PTPN21: variants seen among roughly 807,000 people sequenced by gnomAD.
PTPN21 encodes protein tyrosine phosphatase non-receptor type 21, also known as tyrosine-protein phosphatase non-receptor type 21.
A neutral mutation model predicts 131.8 loss-of-function variants in PTPN21; 77 were observed. That is an observed-to-expected ratio of 0.58 (90% CI 0.49 to 0.71). PTPN21 has a LOEUF of 0.71. Ranked by LOEUF, PTPN21 falls within the 30% of genes least tolerant of loss-of-function variation. PTPN21 has a pLI of 0.00. For synonymous variants in PTPN21, 715 were observed against 621.3 expected, an observed-to-expected ratio of 1.15 and a Z score of -2.24; for missense variants, 1,552 against 1,527.1, an observed-to-expected ratio of 1.02 and a Z score of -0.27.
intron 10 of PTPN21, among the ~76,000 whole-genome samples, 190 bp from the exon 11 acceptor site, chr14:88,486,032 C>A (rs1057431819): frequency 1.6e-4 from 24 of 152,116 alleles, no homozygotes; most frequent in African/African-American, 5.6e-4. Context: ...TTTCCTGCTG[C>A]CCCAACCCGT....
chr14:88,526,550 A>C (rs1416466023), intron 2 of PTPN21, among the ~76,000 whole-genome samples: 6 of 25,736 alleles, frequency 2.3e-4, no homozygotes, highest in Non-Finnish European at 1.1e-3. Context: ...ATGATCTCAA[A>C]AAAAAAAAAA....
chr14:88,509,337 T>TCC (rs1566833195), intron 3 of PTPN21, among the ~76,000 whole-genome samples: 1 of 152,196 alleles, frequency 6.6e-6, no homozygotes, highest in Non-Finnish European at 1.5e-5. Flanking sequence ...ATCTGGTGCC[T>TCC]GTGAAGTGCA....
intron 2 of PTPN21, among the ~76,000 whole-genome samples, chr14:88,529,843 A>G (rs1209861842): frequency 6.6e-6 from 1 of 152,034 alleles, no homozygotes; most frequent in African/African-American, 2.4e-5. Flanking sequence ...TCAGCCGGGC[A>G]TGGTGGCAGG....
rs1176695754 is a variant in PTPN21 at position 88,467,494 on chromosome 14, A to G, written c.*643T>C. 6.6e-6 allele frequency: 1 copy of G among 152,274 alleles called. No individual in the cohort carries two copies. The highest frequency in any genetic ancestry group is 1.5e-5 in the Non-Finnish European group (1 of 68,060). 9.4% of individuals were successfully genotyped at this position (152,274 alleles called of 1,614,324 possible). ...TTTGAAAAACAGAAGGTACAACTATATAGAATTTTTAGGATAAAAAATGTT... is the reference window on the plus strand; with the variant it reads ...TTTGAAAAACAGAAGGTACAACTATGTAGAATTTTTAGGATAAAAAATGTT... On this transcript the variant is annotated 3_prime_UTR_variant, in exon 19 of 19. Coordinates refer to ENST00000556564, the MANE Select transcript of PTPN21 (RefSeq NM_007039.4).
intron 2 of PTPN21, among the ~76,000 whole-genome samples, chr14:88,536,024 AC>A (rs1440597735): frequency 6.6e-6 from 1 of 151,886 alleles, no homozygotes; most frequent in Non-Finnish European, 1.5e-5. Flanking sequence ...CTGATAAGAA[AC>A]TTTACCTCCA....
chr14:88,488,127 A>G (rs942785253), intron 10 of PTPN21, among the ~76,000 whole-genome samples: 1 of 152,240 alleles, frequency 6.6e-6, no homozygotes, highest in Non-Finnish European at 1.5e-5. Context: ...CTCACTGTCT[A>G]GATGGACTGA....
At chr14:88,501,448 G>C (rs1410914994) in intron 6 of PTPN21, 80 bp from the exon 7 acceptor site, 8 of 1,174,464 alleles carry the variant, frequency 6.8e-6, no homozygotes, top group Non-Finnish European at 1.0e-5. Context: ...AAACCTATAT[G>C]TCAATTTAGC....
At chr14:88,516,323 G>A (rs2078268889) in intron 3 of PTPN21, among the ~76,000 whole-genome samples, 1 of 151,854 alleles carries the variant, frequency 6.6e-6, no homozygotes, top group African/African-American at 2.4e-5. Context: ...GAAAGATCTA[G>A]GACACAAAGA....
At chr14:88,470,809 G>T (rs905386019) in intron 15 of PTPN21, among the ~76,000 whole-genome samples, 4 of 152,218 alleles carry the variant, frequency 2.6e-5, no homozygotes, top group African/African-American at 2.4e-5. Flanking sequence ...CTAGGGAGGA[G>T]GAGGGGACTA....
At chr14:88,514,081 A>G (rs1028121759) in intron 3 of PTPN21, 1 of 152,206 alleles carries the variant, frequency 6.6e-6, no homozygotes, top group Non-Finnish European at 1.5e-5. Flanking sequence ...AATTTGTTAT[A>G]TAGTTTTTGG....
Position 88,478,959 on chromosome 14 carries a change from A to G in PTPN21, c.2472T>C (p.Ser824=), listed in dbSNP as rs1237379332. The change falls in exon 13 of 19, where the codon TCT becomes TCC. Residue 824 remains serine, a synonymous_variant. Coordinates refer to ENST00000556564, the MANE Select transcript of PTPN21 (RefSeq NM_007039.4). ...LKKRPVSDLL[S]GKKNIVEGLP... is the part of the protein sequence containing the mutation. ...GCCCTTCCACGATGTTCTTCTTCCC[A>G]GAGAGAAGGTCCGACACCGGCCTTT... 5.2e-6 allele frequency: 8 copies of G among 1,529,198 alleles called. No individual in the cohort carries two copies. Among genetic ancestry groups the G allele is most frequent in the African/African-American group, 1.4e-5 (1 of 71,508 alleles). The allele number at this position is 1,529,198 out of a possible 1,614,324, so 94.7% of individuals were successfully genotyped here. A position where few individuals can be genotyped will look rare whatever the true frequency, so the allele number is the denominator to read the frequency against.
chr14:88,479,110 C>A lies in PTPN21; in HGVS notation c.2321G>T (p.Ser774Ile). ...VPDAEKRMMD[S>I]SPVRTTAEAQ... ...CTCTGCGGTCGTGCGGACGGGGCTG[C>A]TGTCCATCATCCTCTTCTCCGCGTC... is the stretch of plus-strand genomic sequence containing the variant. Residue 774 changes from serine to isoleucine, a missense_variant, in exon 13 of 19, where the codon AGC becomes ATC. By Grantham distance (142) the Ser-to-Ile change is moderately radical. Coordinates refer to ENST00000556564, the MANE Select transcript of PTPN21 (RefSeq NM_007039.4). 6.4e-7 allele frequency: 1 copy of A among 1,569,228 alleles called. No homozygotes were observed.
chr14:88,489,507 G>A (rs1464305894), intron 10 of PTPN21, among the ~76,000 whole-genome samples: 2 of 152,024 alleles, frequency 1.3e-5, no homozygotes, highest in Non-Finnish European at 2.9e-5. Flanking sequence ...GCCAGGCATG[G>A]TGGCACACGC....
chr14:88,472,307 C>A lies in PTPN21; in HGVS notation c.2808G>T (p.Val936=), dbSNP rs756212704. The change falls in exon 15 of 19, where the codon GTG becomes GTT. Residue 936 remains valine, a synonymous_variant. Transcript: ENST00000556564. ...CTTTAGTTGGGACCAACTCCACTCT[C>A]ACATCATCATAAGGAAGAACATCTT... ...RFQDVLPYDD[V]RVELVPTKEN... is the part of the protein sequence containing the mutation. 5.6e-6 allele frequency: 9 copies of A among 1,613,836 alleles called. No homozygotes were observed. Among genetic ancestry groups the A allele is most frequent in the Non-Finnish European group, 6.8e-6 (8 of 1,179,888 alleles).
chr14:88,544,478 G>A (rs1483759875), intron 2 of PTPN21, among the ~76,000 whole-genome samples: 1 of 152,174 alleles, frequency 6.6e-6, no homozygotes, highest in Non-Finnish European at 1.5e-5. Context: ...CTTATTGAGA[G>A]TTTCCCAAAT....
chr14:88,502,443 A>C (rs1318902903), intron 6 of PTPN21, among the ~76,000 whole-genome samples: 1 of 152,052 alleles, frequency 6.6e-6, no homozygotes, highest in African/African-American at 2.4e-5. Context: ...CATTCCGCCC[A>C]TACCCCTCTA....
chr14:88,536,621 A>G (rs1369512705), intron 2 of PTPN21, among the ~76,000 whole-genome samples: 4 of 152,156 alleles, frequency 2.6e-5, no homozygotes, highest in Non-Finnish European at 1.5e-5. Flanking sequence ...CCTAATCCCT[A>G]AGTCATTTCT....
At chr14:88,512,703 C>T (rs937664078) in intron 3 of PTPN21, 4 of 152,216 alleles carry the variant, frequency 2.6e-5, no homozygotes, top group African/African-American at 9.6e-5. Flanking sequence ...TATTCAGTAC[C>T]TGAACTGTAG....
Position 88,479,181 on chromosome 14 carries a change from C to T in PTPN21, c.2250G>A (p.Leu750=), listed in dbSNP as rs1418019793. ...AQDPPGCPRV[L]LAGPLHILEP... is the part of the protein sequence containing the mutation. ...CCAGGATGTGCAGGGGCCCGGCGAG[C>T]AGGACGCGAGGGCAGCCAGGTGGGT... Residue 750 remains leucine (L), a synonymous_variant, in exon 13 of 19, where the codon CTG becomes CTA. Coordinates refer to ENST00000556564, the MANE Select transcript of PTPN21 (RefSeq NM_007039.4). 2 of 1,556,142 alleles carry T rather than the reference C, an allele frequency of 1.3e-6. No individual in the cohort carries two copies. The highest frequency in any genetic ancestry group is 2.8e-5 in the African/African-American group (2 of 72,630).
Sources: gnomAD v4.1 joint callset for allele counts (sites outside exome capture counted in the v4.1 genomes callset) on GRCh38, gnomAD v4.1.1 for gene constraint, MANE v1.5 for transcripts, NCBI Gene and HGNC (gene_info 2026-07-23, HGNC 2026-07-21) for gene names.